ZBTB20: variants seen among roughly 807,000 people sequenced by gnomAD.
ZBTB20 encodes the protein zinc finger and BTB domain containing 20.
A neutral mutation model predicts 56.9 loss-of-function variants in ZBTB20; 9 were observed. That is an observed-to-expected ratio of 0.16 (90% CI 0.10 to 0.28). The LOEUF (loss-of-function observed/expected upper bound fraction) is 0.28, where lower values mean the gene tolerates loss of function less well. ZBTB20 is among the 10% of genes least tolerant of loss of function. The pLI, the probability that ZBTB20 is intolerant of heterozygous loss-of-function variation, is 1.00. For synonymous variants in ZBTB20, 417 were observed against 420.7 expected (o/e 0.99, Z 0.11); for missense variants, 655 against 1,003.0 (o/e 0.65, Z 4.69).
intron 7 of ZBTB20, among the ~76,000 whole-genome samples, chr3:114,422,447 T>A (rs188900830): frequency 6.6e-6 from 1 of 152,070 alleles, no homozygotes; most frequent in Non-Finnish European, 1.5e-5. Flanking sequence ...GAATTTGACA[T>A]GGAATATGAA....
intron 5 of ZBTB20, among the ~76,000 whole-genome samples, chr3:114,787,442 CATATATATACACATATATACAT>C (rs1293322323): frequency 6.7e-6 from 1 of 148,160 alleles, no homozygotes; most frequent in African/African-American, 2.5e-5. Flanking sequence ...CGTATATACA[CATATATATACACATATATACAT>C]ATATATCCAT....
chr3:114,807,653 C>T (rs2072218899), intron 4 of ZBTB20, among the ~76,000 whole-genome samples: 1 of 152,052 alleles, frequency 6.6e-6, no homozygotes, highest in Non-Finnish European at 1.5e-5. Context: ...TGCCCTTTGT[C>T]AGGTTACAGA....
chr3:114,993,730 T>C (rs1019116467), intron 2 of ZBTB20, among the ~76,000 whole-genome samples: 1 of 151,916 alleles, frequency 6.6e-6, no homozygotes, highest in Non-Finnish European at 1.5e-5. Context: ...AGGCACTACA[T>C]ATCAAAACCT....
intron 1 of ZBTB20, among the ~76,000 whole-genome samples, chr3:115,124,985 T>G (rs2108653772): frequency 6.6e-6 from 1 of 151,932 alleles, no homozygotes; most frequent in Non-Finnish European, 1.5e-5. Flanking sequence ...GACACGAGTT[T>G]ACCTATAAAC....
chr3:114,484,719 T>C (rs752450156), intron 7 of ZBTB20, among the ~76,000 whole-genome samples: 3 of 152,138 alleles, frequency 2.0e-5, no homozygotes, highest in Non-Finnish European at 4.4e-5. Flanking sequence ...AGAAATATTT[T>C]TGTTGGAATG....
intron 10 of ZBTB20, among the ~76,000 whole-genome samples, chr3:114,363,908 T>C (rs1389811878): frequency 3.3e-5 from 5 of 152,212 alleles, no homozygotes; most frequent in African/African-American, 2.4e-5. Flanking sequence ...TATACTTATA[T>C]ACATCGCTGA....
intron 6 of ZBTB20, among the ~76,000 whole-genome samples, chr3:114,532,292 C>G (rs760528544): frequency 1.3e-5 from 2 of 152,166 alleles, no homozygotes; most frequent in African/African-American, 2.4e-5. Context: ...GACCCTCAAG[C>G]TTGGTGGGGG....
intron 6 of ZBTB20, among the ~76,000 whole-genome samples, chr3:114,536,799 C>A (rs925389085): frequency 2.0e-5 from 3 of 151,980 alleles, no homozygotes; most frequent in Non-Finnish European, 4.4e-5. Context: ...GATATATAGA[C>A]CAATGGAACA....
chr3:114,601,081 C>T (rs972684044), intron 6 of ZBTB20, among the ~76,000 whole-genome samples: 1 of 151,748 alleles, frequency 6.6e-6, no homozygotes, highest in South Asian at 2.1e-4. Context: ...TTTGAAAATA[C>T]CAGATTCAAC....
chr3:114,732,216 C>G (rs1217528546), intron 5 of ZBTB20, among the ~76,000 whole-genome samples: 1 of 152,154 alleles, frequency 6.6e-6, no homozygotes, highest in Non-Finnish European at 1.5e-5. Flanking sequence ...CTCTAGTTAT[C>G]TAACATTGTT....
At chr3:114,532,801 C>A (rs1448064157) in intron 6 of ZBTB20, among the ~76,000 whole-genome samples, 1 of 152,166 alleles carries the variant, frequency 6.6e-6, no homozygotes, top group Non-Finnish European at 1.5e-5. Flanking sequence ...GAACCGGTAG[C>A]ATTGTTTGCT....
At chr3:114,884,420 G>A (rs907089414) in intron 4 of ZBTB20, among the ~76,000 whole-genome samples, 2 of 152,110 alleles carry the variant, frequency 1.3e-5, no homozygotes, top group African/African-American at 4.8e-5. Flanking sequence ...CTACTTCCTT[G>A]TGCATTTTTT....
At chr3:115,025,513 T>C (rs1424974560) in intron 2 of ZBTB20, among the ~76,000 whole-genome samples, 3 of 151,164 alleles carry the variant, frequency 2.0e-5, no homozygotes, top group Non-Finnish European at 4.4e-5. Context: ...GGTTTTCTAG[T>C]TGGAAAAGTA....
chr3:114,571,278 A>G (rs2107342684), intron 6 of ZBTB20, among the ~76,000 whole-genome samples: 1 of 152,278 alleles, frequency 6.6e-6, no homozygotes, highest in Admixed American at 6.5e-5. Flanking sequence ...TTATTCATCT[A>G]AGTTCTATAG....
chr3:115,074,167 A>G (rs2082513839), intron 1 of ZBTB20, among the ~76,000 whole-genome samples: 1 of 152,220 alleles, frequency 6.6e-6, no homozygotes, highest in Admixed American at 6.5e-5. Flanking sequence ...AGAAAGGCTC[A>G]AAGAATTTCC....
intron 5 of ZBTB20, among the ~76,000 whole-genome samples, chr3:114,698,078 T>C (rs949291265): frequency 1.3e-5 from 2 of 152,144 alleles, no homozygotes; most frequent in African/African-American, 4.8e-5. Flanking sequence ...CATTTGTGAA[T>C]CTGTATCTGT....
intron 6 of ZBTB20, among the ~76,000 whole-genome samples, chr3:114,575,809 G>A (rs1277511934): frequency 2.0e-5 from 3 of 152,124 alleles, no homozygotes; most frequent in Non-Finnish European, 2.9e-5. Flanking sequence ...TGTGGAAGAG[G>A]GGTAGGGCAT....
chr3:114,838,892 C>G (rs2074245499), intron 4 of ZBTB20, among the ~76,000 whole-genome samples: 1 of 152,066 alleles, frequency 6.6e-6, no homozygotes, highest in African/African-American at 2.4e-5. Context: ...AACTTATTTA[C>G]TGATGTTTCC....
chr3:114,786,548 C>T (rs2070508474), intron 5 of ZBTB20, among the ~76,000 whole-genome samples: 1 of 151,584 alleles, frequency 6.6e-6, no homozygotes, highest in Admixed American at 6.6e-5. Context: ...AACAGAATTT[C>T]CAAGAGGAGT....
Sources: allele counts gnomAD v4.1 joint callset (sites outside exome capture counted in the v4.1 genomes callset), GRCh38; gene constraint gnomAD v4.1.1; transcripts MANE v1.5; gene names NCBI Gene and HGNC (gene_info 2026-07-23, HGNC 2026-07-21).